The following RACGAP1 variants were observed in gnomAD, a reference collection of about 807,000 sequenced individuals.
RACGAP1 encodes rac GTPase-activating protein 1.
RACGAP1 carries 30 observed loss-of-function variants against 78.1 expected under a neutral mutation model. That is an observed-to-expected ratio of 0.38 (90% CI 0.29 to 0.52). RACGAP1 has a LOEUF of 0.52. RACGAP1 is among the 20% of genes least tolerant of loss of function. The pLI, the probability that RACGAP1 is intolerant of heterozygous loss-of-function variation, is 0.82. For synonymous variants in RACGAP1, 231 were observed against 264.8 expected (o/e 0.87, Z 1.24); for missense variants, 587 against 777.1 (o/e 0.76, Z 2.91).
At chr12:50,027,959 G>A (rs1048237515), upstream of RACGAP1, among the ~76,000 whole-genome samples, 1 of 152,174 alleles carries the variant, frequency 6.6e-6, no homozygotes. Flanking sequence ...AGTAGCTTTG[G>A]CCTGAGAAGG....
intron 15 of RACGAP1, 101 bp from the exon 16 acceptor site, chr12:49,990,893 T>A: frequency 1.2e-6 from 1 of 826,938 alleles, no homozygotes; most frequent in Non-Finnish European, 2.0e-6. Context: ...ACTTAAGAGC[T>A]AAGGTTAGAC....
At chr12:50,023,980 T>C (rs1465090834) in intron 1 of RACGAP1, among the ~76,000 whole-genome samples, 1 of 151,554 alleles carries the variant, frequency 6.6e-6, no homozygotes, top group African/African-American at 2.4e-5. Flanking sequence ...GCTAAAACGG[T>C]GAAACCCCGT....
chr12:50,017,876 G>A (rs1949764387), intron 1 of RACGAP1, among the ~76,000 whole-genome samples: 1 of 152,164 alleles, frequency 6.6e-6, no homozygotes, highest in Non-Finnish European at 1.5e-5. Flanking sequence ...ATGAACATAG[G>A]CTGGGCACGG....
chr12:49,995,325 G>C (rs757900114), intron 10 of RACGAP1, among the ~76,000 whole-genome samples: 19 of 151,560 alleles, frequency 1.3e-4, no homozygotes, highest in African/African-American at 4.1e-4. Context: ...TCCAGCCTGG[G>C]CAACAAGAAC....
intron 6 of RACGAP1, among the ~76,000 whole-genome samples, chr12:50,001,925 G>C (rs1179272849): frequency 1.3e-5 from 2 of 152,004 alleles, no homozygotes; most frequent in Non-Finnish European, 2.9e-5. Context: ...AATTAGCCAG[G>C]CATGGTGGCA....
intron 12 of RACGAP1, among the ~76,000 whole-genome samples, chr12:49,993,775 G>C (rs945215926): frequency 2.0e-5 from 3 of 149,346 alleles, no homozygotes; most frequent in Non-Finnish European, 3.0e-5. Context: ...GGCTGGGCAC[G>C]GTGGCTCACG....
chr12:49,996,668 A>AAAAAAAAAT lies in RACGAP1; in HGVS notation c.1044+371_1044+372insATTTTTTTT, dbSNP rs1948302735. Among the ~76,000 whole-genome samples the AAAAAAAAAT allele has an allele frequency of 7.0e-5, 9 of 129,332 alleles. 1 individual carries two copies. The highest frequency in any genetic ancestry group is 3.0e-4 in the African/African-American group (8 of 26,424). 84.8% of individuals were successfully genotyped at this position (129,332 alleles called of 152,430 possible). ...AAAAAAAAAAAAAAAAAAAAAAAAA[A>AAAAAAAAAT]TGGACACAAGTTAGTAATCATGGAA... On this transcript the variant is annotated intron_variant, in intron 10 of 16. Coordinates refer to ENST00000312377, the MANE Select transcript of RACGAP1 (RefSeq NM_001319999.2).
intron 1 of RACGAP1, chr12:50,025,189 G>A (rs1950221507): frequency 1.7e-6 from 1 of 573,634 alleles, no homozygotes; most frequent in Non-Finnish European, 2.2e-6. Context: ...CGCCAAGACA[G>A]AAGCCCCCGA....
At position 50,001,172 on chromosome 12, in the gene RACGAP1, C is replaced by T; in HGVS notation, c.630G>A (p.Gln210=). ...GTTACCTTGGCCTGACTATTCTTAC[C>T]TGGTCTACTGCAGAGCCAATGGAAC... The part of the protein sequence containing the change: ...KTRSIGSAVD[Q]GNESIVAKTT... The change falls in exon 7 of 17, where the codon CAG becomes CAA. Residue 210 remains glutamine, a splice_region_variant and synonymous_variant. Transcript: ENST00000312377. The T allele has an allele frequency of 6.3e-7, 1 of 1,592,534 alleles. No homozygotes were observed. The highest frequency in any genetic ancestry group is 8.6e-7 in the Non-Finnish European group (1 of 1,160,570).
chr12:49,993,496 G>C (rs779812354), intron 12 of RACGAP1, among the ~76,000 whole-genome samples: 6 of 152,194 alleles, frequency 3.9e-5, no homozygotes, highest in Non-Finnish European at 7.4e-5. Context: ...CTAATAAAAA[G>C]AGGAAGGTGG....
intron 2 of RACGAP1, among the ~76,000 whole-genome samples, chr12:50,010,806 C>T (rs1006048940): frequency 1.3e-5 from 2 of 151,716 alleles, no homozygotes; most frequent in Admixed American, 1.3e-4. Flanking sequence ...TTGGCACATG[C>T]CTGTAATTCC....
chr12:50,025,096 TGA>T (rs1323625509), intron 1 of RACGAP1, among the ~76,000 whole-genome samples: 1 of 152,088 alleles, frequency 6.6e-6, no homozygotes, highest in African/African-American at 2.4e-5. Context: ...CGTATCTGAC[TGA>T]GAGACTCTTG....
chr12:50,005,144 T>A, intron 4 of RACGAP1, 112 bp downstream of exon 4: 3 of 1,502,576 alleles, frequency 2.0e-6, no homozygotes, highest in Non-Finnish European at 2.7e-6. Context: ...AATCTTTTTC[T>A]GCTTTTTTCA....
At chr12:50,025,662 T>G (rs1950249652), upstream of RACGAP1, 1 of 535,512 alleles carries the variant, frequency 1.9e-6, no homozygotes, top group African/African-American at 2.1e-5. Flanking sequence ...GTTTTTCGGT[T>G]TTTTTTGTTT....
intron 9 of RACGAP1, among the ~76,000 whole-genome samples, chr12:49,997,670 C>T (rs530970601): frequency 3.0e-4 from 46 of 152,078 alleles, no homozygotes; most frequent in Non-Finnish European, 5.7e-4. Flanking sequence ...CTCCACCTCC[C>T]GGGTTCAAGC....
At chr12:50,013,686 C>G (rs1949487158) in intron 2 of RACGAP1, among the ~76,000 whole-genome samples, 2 of 152,196 alleles carry the variant, frequency 1.3e-5, no homozygotes, top group Admixed American at 6.5e-5. Flanking sequence ...AGTCCCACAC[C>G]CTCTTGCTCT....
Position 49,991,515 on chromosome 12 carries a change from G to GTC in RACGAP1, c.1714+481_1714+482dup, listed in dbSNP as rs1947876468. ...TTTTTTTTTTTTTTTTTTAGACAGA[G>GTC]TCTCACTCTGTCACCAGGCTGGAGT... On this transcript the variant is annotated intron_variant, in intron 15 of 16. Transcript: ENST00000312377. Among the ~76,000 whole-genome samples, 4 of 77,462 alleles carry GTC rather than the reference G, an allele frequency of 5.2e-5. No individual in the cohort carries two copies. In the Admixed American group the frequency reaches 5.7e-4, roughly 11 times the overall value. 50.8% of individuals were successfully genotyped at this position (77,462 alleles called of 152,430 possible). A position where few individuals can be genotyped will look rare whatever the true frequency, so the allele number is the denominator to read the frequency against.
At position 50,006,648 on chromosome 12, in the gene RACGAP1, G is replaced by C; in HGVS notation, c.86-12C>G. The C allele has an allele frequency of 6.2e-7, 1 of 1,611,984 alleles. No homozygotes were observed. On this transcript the variant is annotated splice_polypyrimidine_tract_variant and intron_variant, in intron 2 of 16. Coordinates refer to ENST00000312377, the MANE Select transcript of RACGAP1 (RefSeq NM_001319999.2). ...CAACTGGATAAATTCTGAGGAAAGGGGGAATCTTTAATAATTCAAGCACCA... is the reference window on the plus strand; with the variant it reads ...CAACTGGATAAATTCTGAGGAAAGGCGGAATCTTTAATAATTCAAGCACCA...
At chr12:50,025,741 G>A (rs578119610), upstream of RACGAP1, among the ~76,000 whole-genome samples, 3 of 152,064 alleles carry the variant, frequency 2.0e-5, no homozygotes, top group Non-Finnish European at 4.4e-5. Flanking sequence ...GGTACTTCCT[G>A]AATGCGAATT....
Sources: allele counts gnomAD v4.1 joint callset (sites outside exome capture counted in the v4.1 genomes callset), GRCh38; gene constraint gnomAD v4.1.1; transcripts MANE v1.5; gene names NCBI Gene and HGNC (gene_info 2026-07-23, HGNC 2026-07-21).